CTNNA3: variants seen among roughly 807,000 people sequenced by gnomAD.
CTNNA3 encodes catenin alpha-3.
In CTNNA3, 76 loss-of-function variants were observed where a neutral mutation model predicts 95.7. The ratio of observed to expected loss-of-function variants is 0.79; its 90% CI spans 0.66 to 0.96. The LOEUF is 0.96. CTNNA3 is among the 40% of genes least tolerant of loss of function. The pLI is 0.00. For synonymous variants in CTNNA3, 431 were observed against 374.4 expected (o/e 1.15, Z -1.74); for missense variants, 1,191 against 1,089.8 (o/e 1.09, Z -1.31).
chr10:66,359,668 C>A (rs1311085700), intron 12 of CTNNA3, among the ~76,000 whole-genome samples: 1 of 152,080 alleles, frequency 6.6e-6, no homozygotes, highest in Admixed American at 6.5e-5. Flanking sequence ...TCATCCCCCC[C>A]AAACATTCAT....
At chr10:67,565,689 G>C (rs928121368) in intron 3 of CTNNA3, among the ~76,000 whole-genome samples, 3 of 148,814 alleles carry the variant, frequency 2.0e-5, no homozygotes, top group Admixed American at 6.8e-5. Context: ...ATTATTAAAA[G>C]GACAAAAAAT....
chr10:66,634,150 A>G (rs1235405931), intron 9 of CTNNA3, among the ~76,000 whole-genome samples: 1 of 152,172 alleles, frequency 6.6e-6, no homozygotes, highest in African/African-American at 2.4e-5. Context: ...GGCTTATTAT[A>G]ATAAAAATGA....
chr10:66,073,342 G>C (rs146587102), intron 14 of CTNNA3, among the ~76,000 whole-genome samples: 2 of 152,130 alleles, frequency 1.3e-5, no homozygotes, highest in Non-Finnish European at 2.9e-5. Context: ...TTCTTCTACA[G>C]TGTACATATA....
intron 11 of CTNNA3, among the ~76,000 whole-genome samples, chr10:66,420,835 A>AAAAAAATAAATT (rs1554959968): frequency 8.6e-5 from 8 of 92,994 alleles, no homozygotes; most frequent in Non-Finnish European, 1.6e-4. Context: ...ATAAATAAAT[A>AAAAAAATAAATT]AATAAAAAAC....
intron 9 of CTNNA3, among the ~76,000 whole-genome samples, chr10:66,695,872 T>C (rs1295607357): frequency 7.8e-6 from 1 of 128,036 alleles, no homozygotes; most frequent in Non-Finnish European, 1.6e-5. Flanking sequence ...CCAAAACTAA[T>C]GGAGACAACT....
At chr10:66,022,559 C>T (rs894568573) in intron 15 of CTNNA3, among the ~76,000 whole-genome samples, 22 of 151,990 alleles carry the variant, frequency 1.4e-4, no homozygotes, top group African/African-American at 5.3e-4. Flanking sequence ...CCTATATACA[C>T]TTGCTTTACC....
chr10:66,449,453 T>C (rs2093447756), intron 11 of CTNNA3, among the ~76,000 whole-genome samples: 1 of 152,144 alleles, frequency 6.6e-6, no homozygotes, highest in Admixed American at 6.6e-5. Context: ...TGAAACAAAT[T>C]GTCATTTTGT....
intron 7 of CTNNA3, among the ~76,000 whole-genome samples, chr10:67,040,475 T>C (rs975063709): frequency 1.3e-5 from 2 of 152,088 alleles, no homozygotes; most frequent in African/African-American, 4.8e-5. Flanking sequence ...GAGAGTGCCA[T>C]GAAAATGATG....
chr10:67,379,288 C>T (rs191369532), intron 5 of CTNNA3, among the ~76,000 whole-genome samples: 5 of 152,094 alleles, frequency 3.3e-5, no homozygotes, highest in Non-Finnish European at 5.9e-5. Context: ...TCTAGCCCCC[C>T]GCTTGGACAA....
intron 15 of CTNNA3, among the ~76,000 whole-genome samples, chr10:66,068,465 T>C (rs1442128989): frequency 1.3e-5 from 2 of 152,190 alleles, no homozygotes; most frequent in African/African-American, 4.8e-5. Flanking sequence ...CACTGAAAGA[T>C]TCATGTACAT....
At chr10:67,122,617 T>A (rs1005622629) in intron 7 of CTNNA3, among the ~76,000 whole-genome samples, 1 of 152,146 alleles carries the variant, frequency 6.6e-6, no homozygotes, top group African/African-American at 2.4e-5. Flanking sequence ...AAATGCTGCA[T>A]ATCAAAACAA....
intron 6 of CTNNA3, among the ~76,000 whole-genome samples, chr10:67,218,534 C>A (rs1254730355): frequency 6.6e-6 from 1 of 152,150 alleles, no homozygotes; most frequent in Non-Finnish European, 1.5e-5. Context: ...TCTATCCAGT[C>A]CCGCTCCTTC....
At position 66,903,019 on chromosome 10, in the gene CTNNA3, C is replaced by T. The variant is rs140577587; in HGVS notation, c.1048-127495G>A. The stretch of plus-strand genomic sequence containing the variant: ...AGAAAAAGAGGGAATCCTCCCTAAC[C>T]CATTTTATGAGGCCAGCATCATACT... On this transcript the variant is annotated intron_variant, in intron 7 of 17. Transcript: ENST00000433211. Among the ~76,000 whole-genome samples, 1,419 of 152,186 alleles carry T rather than the reference C, an allele frequency of 9.3e-3. 19 individuals carry two copies. Among genetic ancestry groups the T allele is most frequent in the African/African-American group, 0.032 (1,334 of 41,546 alleles).
chr10:67,276,721 G>A (rs1839192040), intron 5 of CTNNA3, among the ~76,000 whole-genome samples: 1 of 152,102 alleles, frequency 6.6e-6, no homozygotes, highest in Admixed American at 6.6e-5. Flanking sequence ...TGAAGTGGGT[G>A]TGACAGAGAT....
intron 11 of CTNNA3, among the ~76,000 whole-genome samples, chr10:66,465,580 G>C (rs561556760): frequency 3.3e-5 from 5 of 152,216 alleles, no homozygotes; most frequent in African/African-American, 1.2e-4. Flanking sequence ...GCAATGCTGA[G>C]GCAAGTTAAT....
At chr10:67,672,369 T>C (rs1211170473) in intron 1 of CTNNA3, among the ~76,000 whole-genome samples, 1 of 152,194 alleles carries the variant, frequency 6.6e-6, no homozygotes, top group Non-Finnish European at 1.5e-5. Context: ...TTTAATTAGA[T>C]CCCATTTGTC....
At chr10:67,716,180 C>T (rs1282077125) in intron 1 of CTNNA3, among the ~76,000 whole-genome samples, 1 of 152,042 alleles carries the variant, frequency 6.6e-6, no homozygotes, top group Non-Finnish European at 1.5e-5. Flanking sequence ...AGAATTTATG[C>T]CTCAGAAGTT....
At chr10:67,135,403 A>T (rs1860246688) in intron 7 of CTNNA3, among the ~76,000 whole-genome samples, 1 of 152,186 alleles carries the variant, frequency 6.6e-6, no homozygotes, top group Non-Finnish European at 1.5e-5. Flanking sequence ...GGTAAGTCAC[A>T]ATGGCTCATG....
Position 67,726,439 on chromosome 10 carries a change from A to AATATTATATATTATATATC in CTNNA3, c.-2+36994_-2+36995insGATATATAATATATAATAT, listed in dbSNP as rs1461778786. 3.0e-4 allele frequency among the ~76,000 whole-genome samples: 16 copies of AATATTATATATTATATATC among 53,178 alleles called. 1 individual carries two copies. Among genetic ancestry groups the AATATTATATATTATATATC allele is most frequent in the South Asian group, 1.4e-3 (2 of 1,466 alleles). The allele number at this position is 53,178 out of a possible 152,430, so 34.9% of individuals were successfully genotyped here. On this transcript the variant is annotated intron_variant, in intron 1 of 17. Coordinates refer to the CTNNA3 transcript ENST00000684154. ...TAATATTATATATTATATCATATAT[A>AATATTATATATTATATATC]ATATATAATATTATATATGATATAT...
Sources: gnomAD v4.1 joint callset for allele counts (sites outside exome capture counted in the v4.1 genomes callset) on GRCh38, gnomAD v4.1.1 for gene constraint, MANE v1.5 for transcripts, NCBI Gene and HGNC (gene_info 2026-07-23, HGNC 2026-07-21) for gene names.